Variants in TBC1D19 observed in about 807,000 individuals in gnomAD.
TBC1D19 encodes TBC1 domain family member 19, also known as TBC1 domain family, member 19.
TBC1D19 carries 60 observed loss-of-function variants against 89.0 expected under a neutral mutation model. The observed-to-expected ratio is 0.67, with a 90% CI of 0.55 to 0.84. The LOEUF (loss-of-function observed/expected upper bound fraction) is 0.84. Ranked by LOEUF, TBC1D19 falls within the 40% of genes least tolerant of loss-of-function variation. TBC1D19 has a pLI of 0.00. For missense variants in TBC1D19, 500 were observed against 610.8 expected (o/e 0.82, Z 1.91); for synonymous variants, 189 against 199.7 (o/e 0.95, Z 0.45).
At chr4:26,658,368 A>T (rs1307237315) in intron 7 of TBC1D19, among the ~76,000 whole-genome samples, 1 of 152,018 alleles carries the variant, frequency 6.6e-6, no homozygotes, top group African/African-American at 2.4e-5. Context: ...GCTTGCTTGT[A>T]TCAGGTTTGT....
intron 19 of TBC1D19, 124 bp from the exon 20 acceptor site, chr4:26,753,696 G>A: frequency 1.1e-6 from 1 of 887,844 alleles, no homozygotes; most frequent in Non-Finnish European, 1.8e-6. Flanking sequence ...ATGCGGGGGT[G>A]TGGTCCGTTG....
the TBC1D19 span, among the ~76,000 whole-genome samples, chr4:26,853,927 C>T: frequency 0.41 from 62,364 of 152,142 alleles, 13,731 homozygotes; most frequent in Middle Eastern, 0.64. Context: ...ATCCACATTT[C>T]CAGACTTTCT....
intron 9 of TBC1D19, among the ~76,000 whole-genome samples, chr4:26,669,096 G>A (rs559940674): frequency 8.5e-4 from 129 of 151,606 alleles, no homozygotes; most frequent in African/African-American, 3.0e-3. Flanking sequence ...AAGCCTTCAT[G>A]ATAAAGGAGG....
the TBC1D19 span, among the ~76,000 whole-genome samples, chr4:26,782,224 T>C: frequency 6.6e-6 from 1 of 152,204 alleles, no homozygotes; most frequent in African/African-American, 2.4e-5. Flanking sequence ...CACATACATC[T>C]TAAGAGGGTA....
intron 12 of TBC1D19, among the ~76,000 whole-genome samples, chr4:26,688,048 C>G (rs1356064812): frequency 5.3e-5 from 8 of 152,148 alleles, no homozygotes; most frequent in Non-Finnish European, 8.8e-5. Flanking sequence ...ATGATTGCAT[C>G]CGCTTTTCTT....
chr4:26,785,026 A>G, the TBC1D19 span, among the ~76,000 whole-genome samples: 2 of 152,190 alleles, frequency 1.3e-5, no homozygotes, highest in African/African-American at 4.8e-5. Context: ...CCCAATATCC[A>G]CCAAAAGAAA....
chr4:26,630,598 G>A (rs542762422), intron 4 of TBC1D19, among the ~76,000 whole-genome samples: 48 of 151,980 alleles, frequency 3.2e-4, no homozygotes, highest in Admixed American at 2.0e-3. Flanking sequence ...AGCTAGAGTG[G>A]ACCTCAAGTT....
At chr4:26,649,760 G>A (rs543049781) in intron 7 of TBC1D19, among the ~76,000 whole-genome samples, 12 of 150,918 alleles carry the variant, frequency 8.0e-5, no homozygotes, top group African/African-American at 2.4e-4. Context: ...TGTGCACAAC[G>A]TGCAGGTTTG....
At chr4:26,595,091 TC>T (rs1279536219) in intron 1 of TBC1D19, among the ~76,000 whole-genome samples, 3 of 152,224 alleles carry the variant, frequency 2.0e-5, no homozygotes, top group Admixed American at 1.3e-4. Flanking sequence ...CTCCACATCC[TC>T]CCCAGCATTT....
intron 11 of TBC1D19, among the ~76,000 whole-genome samples, chr4:26,678,186 G>A (rs1034080254): frequency 1.3e-5 from 2 of 152,218 alleles, no homozygotes; most frequent in Non-Finnish European, 2.9e-5. Context: ...GGCTGAGATG[G>A]TCTCAGATGG....
chr4:26,682,334 T>C (rs1713421637), intron 11 of TBC1D19, among the ~76,000 whole-genome samples: 1 of 152,214 alleles, frequency 6.6e-6, no homozygotes, highest in Non-Finnish European at 1.5e-5. Context: ...TAAGGCTTTT[T>C]AATTAAAATT....
the TBC1D19 span, among the ~76,000 whole-genome samples, chr4:26,826,224 A>T: frequency 6.6e-6 from 1 of 152,166 alleles, no homozygotes; most frequent in African/African-American, 2.4e-5. Context: ...TGAAAAAAAA[A>T]TTCAAAGATC....
At position 26,637,220 on chromosome 4, in the gene TBC1D19, G is replaced by A; in HGVS notation, c.304G>A (p.Glu102Lys). 1.2e-6 allele frequency: 2 copies of A among 1,605,486 alleles called. No individual in the cohort carries two copies. Among genetic ancestry groups the A allele is most frequent in the Non-Finnish European group, 1.7e-6 (2 of 1,175,400 alleles). ...VYMRKAQGSWEKRILKSLNSM... is the reference protein window; with the variant it reads ...VYMRKAQGSWKKRILKSLNSM... ...GTTTTTTATGTTTCAGGGAAGTTGG[G>A]AAAAAAGAATTTTGAAGAGTTTAAA... Residue 102 changes from glutamate (E) to lysine (K), a missense_variant, in exon 5 of 21, where the codon GAA (glutamate) becomes AAA (lysine). This residue lies in a region of TBC1D19 where 280 missense variants were observed against 291.7 expected (regional missense o/e 0.96). Coordinates refer to ENST00000264866, the MANE Select transcript of TBC1D19 (RefSeq NM_018317.4).
chr4:26,794,070 T>C, the TBC1D19 span, among the ~76,000 whole-genome samples: 1 of 152,110 alleles, frequency 6.6e-6, no homozygotes, highest in East Asian at 1.9e-4. Flanking sequence ...AAGGAGAACA[T>C]GTTCCCAAAA....
At chr4:26,836,718 A>C in the TBC1D19 span, among the ~76,000 whole-genome samples, 15 of 152,210 alleles carry the variant, frequency 9.9e-5, no homozygotes, top group Admixed American at 9.8e-4. Context: ...AGAATTCCAG[A>C]TTGCAGCAGC....
chr4:26,719,036 T>C (rs1323031316), intron 14 of TBC1D19, among the ~76,000 whole-genome samples: 1 of 152,090 alleles, frequency 6.6e-6, no homozygotes, highest in Non-Finnish European at 1.5e-5. Context: ...TACCTCACCA[T>C]GTCCACCAAC....
chr4:26,780,413 A>G, the TBC1D19 span, among the ~76,000 whole-genome samples: 2 of 152,188 alleles, frequency 1.3e-5, no homozygotes, highest in African/African-American at 2.4e-5. Flanking sequence ...GTTTCCAACC[A>G]TTTAGGGAAA....
intron 15 of TBC1D19, among the ~76,000 whole-genome samples, chr4:26,729,321 C>T (rs1165879686): frequency 6.6e-6 from 1 of 152,234 alleles, no homozygotes; most frequent in African/African-American, 2.4e-5. Flanking sequence ...ATTTACTCAT[C>T]TCTTCATTCT....
intron 7 of TBC1D19, among the ~76,000 whole-genome samples, chr4:26,645,691 A>G (rs1743867899): frequency 6.6e-6 from 1 of 152,228 alleles, no homozygotes; most frequent in Admixed American, 6.5e-5. Context: ...TGCACAGCAA[A>G]AGAAACTACC....
Sources: gnomAD v4.1 joint callset for allele counts (sites outside exome capture counted in the v4.1 genomes callset) on GRCh38, gnomAD v4.1.1 for gene constraint, gnomAD v4.1.1 regional missense constraint, MANE v1.5 for transcripts, NCBI Gene and HGNC (gene_info 2026-07-23, HGNC 2026-07-21) for gene names.